EIF2B3: variants seen among roughly 807,000 people sequenced by gnomAD.
EIF2B3 encodes eukaryotic translation initiation factor 2B subunit gamma.
EIF2B3 carries 20 observed loss-of-function variants against 54.1 expected under a neutral mutation model. The ratio of observed to expected loss-of-function variants is 0.37; its 90% CI spans 0.26 to 0.54. The LOEUF is 0.54. EIF2B3 is among the 20% of genes least tolerant of loss of function. The probability of loss-of-function intolerance (pLI) is 0.86; values close to 1 mark genes in which losing one functional copy is unlikely to be tolerated. For missense variants in EIF2B3, 448 were observed against 547.8 expected, an observed-to-expected ratio of 0.82 and a Z score of 1.82; for synonymous variants, 153 against 188.1, an observed-to-expected ratio of 0.81 and a Z score of 1.52.
chr1:44,981,778 A>G (rs951988035), intron 1 of EIF2B3, among the ~76,000 whole-genome samples: 1 of 152,026 alleles, frequency 6.6e-6, no homozygotes, highest in African/African-American at 2.4e-5. Context: ...TCTACCAAAA[A>G]TACAAAAAAT....
intron 3 of EIF2B3, among the ~76,000 whole-genome samples, chr1:44,943,005 G>A (rs1569800157): frequency 1.3e-5 from 2 of 151,460 alleles, no homozygotes; most frequent in East Asian, 2.0e-4. Context: ...ACAGGCGCCC[G>A]CCACCACGCC....
At chr1:44,943,417 T>TATCTATATCTATATCTAC (rs1261911845) in intron 3 of EIF2B3, among the ~76,000 whole-genome samples, 29 of 138,060 alleles carry the variant, frequency 2.1e-4, no homozygotes, top group Non-Finnish European at 3.7e-4. Flanking sequence ...TCTATATCTA[T>TATCTATATCTATATCTAC]ATCTAAATTT....
At chr1:44,882,893 G>A (rs1655450863) in intron 6 of EIF2B3, among the ~76,000 whole-genome samples, 1 of 150,514 alleles carries the variant, frequency 6.6e-6, no homozygotes, top group Admixed American at 6.6e-5. Context: ...GGGATTACAG[G>A]CATGAGCCAC....
At position 44,941,506 on chromosome 1, in the gene EIF2B3, C is replaced by T; in HGVS notation, c.454G>A (p.Val152Met). ...VPGQKGKKKA[V>M]EQRDFIGVDS... is the part of the protein sequence containing the mutation. ...CAAAACAAACTCCAATCTTCCTTAC[C>T]TGCTTTTTTTTTCCCCTTTTGACCG... Residue 152 changes from valine to methionine, a missense_variant and splice_region_variant, in exon 4 of 12, where the codon GTG becomes ATG. Transcript: ENST00000360403. The T allele has an allele frequency of 2.5e-6, 4 of 1,604,370 alleles. No individual in the cohort carries two copies. The highest frequency in any genetic ancestry group is 3.4e-6 in the Non-Finnish European group (4 of 1,175,966).
rs368540656 is a variant in EIF2B3, at chr1:44,879,898, G to A, written c.895C>T (p.Arg299Cys). The change falls in exon 8 of 12, where the codon CGC becomes TGC. Residue 299 changes from arginine (R) to cysteine (C), a missense_variant. Coordinates refer to ENST00000360403, the MANE Select transcript of EIF2B3 (RefSeq NM_020365.5). ...TCTTTCATGATGTGGACATAGCAGC[G>A]CACCTGTGATCTGGACAAGTCTTCC... ...RWEDLSRSQV[R>C]CYVHIMKEGL... 94 of 1,613,990 alleles carry A rather than the reference G, an allele frequency of 5.8e-5. No homozygotes were observed. The highest frequency in any genetic ancestry group is 7.4e-5 in the Non-Finnish European group (87 of 1,180,032).
chr1:44,928,550 T>G (rs1643872889), intron 4 of EIF2B3, among the ~76,000 whole-genome samples: 1 of 151,910 alleles, frequency 6.6e-6, no homozygotes, highest in Non-Finnish European at 1.5e-5. Context: ...AACCTAGGTC[T>G]TCTTACTGTG....
chr1:44,876,671 G>A (rs184361839), intron 8 of EIF2B3, among the ~76,000 whole-genome samples: 11,153 of 113,492 alleles, frequency 0.098, 551 homozygotes, highest in Non-Finnish European at 0.13. Flanking sequence ...CCCTCTGCCC[G>A]GCCACGACCC....
At chr1:44,925,769 C>CA (rs1315064999) in intron 5 of EIF2B3, among the ~76,000 whole-genome samples, 1 of 151,900 alleles carries the variant, frequency 6.6e-6, no homozygotes, top group African/African-American at 2.4e-5. Context: ...ACTAAAAATA[C>CA]AAAAATTAGC....
chr1:44,937,777 G>A (rs1643965703), intron 4 of EIF2B3, among the ~76,000 whole-genome samples: 1 of 151,336 alleles, frequency 6.6e-6, no homozygotes, highest in Non-Finnish European at 1.5e-5. Context: ...CCAGCTACGC[G>A]GGAGGCTGAG....
chr1:44,891,449 A>G (rs1045341955), intron 6 of EIF2B3, among the ~76,000 whole-genome samples: 1 of 152,096 alleles, frequency 6.6e-6, no homozygotes, highest in African/African-American at 2.4e-5. Flanking sequence ...CTGAAGTACA[A>G]TCTGATCATG....
intron 3 of EIF2B3, among the ~76,000 whole-genome samples, chr1:44,947,242 T>A (rs1056378610): frequency 4.6e-5 from 7 of 152,208 alleles, no homozygotes; most frequent in Non-Finnish European, 2.9e-5. Flanking sequence ...CTTGACAATA[T>A]AGAAACATGC....
chr1:44,942,415 A>AT (rs879785374), intron 3 of EIF2B3, among the ~76,000 whole-genome samples: 16 of 6,970 alleles, frequency 2.3e-3, no homozygotes, highest in Non-Finnish European at 2.8e-3. Context: ...ATATATATAT[A>AT]TATTTTTTTT....
chr1:44,854,195 G>T (rs1654368293), intron 11 of EIF2B3, among the ~76,000 whole-genome samples: 2 of 151,950 alleles, frequency 1.3e-5, no homozygotes. Context: ...TAGAGATGAG[G>T]TTTCACCATG....
chr1:44,876,589 A>G (rs1310298381), intron 8 of EIF2B3, among the ~76,000 whole-genome samples: 6 of 9,314 alleles, frequency 6.4e-4, no homozygotes, highest in African/African-American at 1.2e-3. Flanking sequence ...TCAGCCCCCC[A>G]CCCGGCCAGC....
chr1:44,896,224 T>G (rs932863069), intron 6 of EIF2B3, among the ~76,000 whole-genome samples: 3 of 151,836 alleles, frequency 2.0e-5, no homozygotes, highest in Non-Finnish European at 4.4e-5. Flanking sequence ...GAAAACATTT[T>G]TCAGAGGTCA....
chr1:44,868,735 A>G (rs1654866204), intron 10 of EIF2B3, among the ~76,000 whole-genome samples: 1 of 152,210 alleles, frequency 6.6e-6, no homozygotes, highest in Non-Finnish European at 1.5e-5. Flanking sequence ...GGGAAGCTAC[A>G]AAGCTCATGA....
chr1:44,854,204 T>C (rs1654368631), intron 11 of EIF2B3, among the ~76,000 whole-genome samples: 1 of 152,062 alleles, frequency 6.6e-6, no homozygotes, highest in Admixed American at 6.6e-5. Flanking sequence ...GGTTTCACCA[T>C]GTTGGCTGGG....
intron 1 of EIF2B3, 87 bp downstream of exon 1, chr1:44,986,406 G>A (rs2148968957): frequency 6.6e-6 from 1 of 152,472 alleles, no homozygotes; most frequent in East Asian, 1.9e-4. Flanking sequence ...TCGGGGCTCA[G>A]CACCCTCTCC....
At chr1:44,926,030 C>A (rs1464177290) in intron 5 of EIF2B3, among the ~76,000 whole-genome samples, 1 of 151,872 alleles carries the variant, frequency 6.6e-6, no homozygotes. Flanking sequence ...GAGCTAGAGA[C>A]CAGCCTGGCC....
Sources: gnomAD v4.1 joint callset for allele counts (sites outside exome capture counted in the v4.1 genomes callset) on GRCh38, gnomAD v4.1.1 for gene constraint, MANE v1.5 for transcripts, NCBI Gene and HGNC (gene_info 2026-07-23, HGNC 2026-07-21) for gene names.